The following SLC13A3 variants were observed in gnomAD, a reference collection of about 807,000 sequenced individuals.
The protein encoded by SLC13A3 is solute carrier family 13 member 3, also known as Na(+)/dicarboxylate cotransporter 3.
SLC13A3 carries 40 observed loss-of-function variants against 59.0 expected under a neutral mutation model. That is an observed-to-expected ratio of 0.68 (90% confidence interval 0.53 to 0.88). The LOEUF (loss-of-function observed/expected upper bound fraction) is 0.88, where lower values mean the gene tolerates loss of function less well. SLC13A3 is among the 40% of genes least tolerant of loss of function. The pLI is 0.00. For missense variants in SLC13A3, 699 were observed against 783.2 expected, an observed-to-expected ratio of 0.89 and a Z score of 1.28; for synonymous variants, 317 against 330.3, an observed-to-expected ratio of 0.96 and a Z score of 0.44.
At chr20:46,587,841 C>G (rs1038782560) in intron 8 of SLC13A3, among the ~76,000 whole-genome samples, 1 of 152,232 alleles carries the variant, frequency 6.6e-6, no homozygotes, top group African/African-American at 2.4e-5. Flanking sequence ...TAGTCTGACT[C>G]CAAATCCAGA....
chr20:46,565,728 T>C (rs1352975805), intron 11 of SLC13A3, among the ~76,000 whole-genome samples: 1 of 152,140 alleles, frequency 6.6e-6, no homozygotes, highest in Non-Finnish European at 1.5e-5. Context: ...TGGATTGTCA[T>C]GATTTAGGGA....
intron 1 of SLC13A3, among the ~76,000 whole-genome samples, chr20:46,680,041 A>T (rs557360857): frequency 1.7e-4 from 26 of 152,282 alleles, no homozygotes; most frequent in African/African-American, 6.3e-4. Flanking sequence ...TAAAATGGGT[A>T]TGGCAGATGG....
chr20:46,589,529 C>T (rs1600526025), intron 6 of SLC13A3, among the ~76,000 whole-genome samples: 1 of 152,262 alleles, frequency 6.6e-6, no homozygotes, highest in Non-Finnish European at 1.5e-5. Flanking sequence ...ACACAGGAAT[C>T]AATGGAACAA....
chr20:46,616,035 C>G (rs1156385769), intron 1 of SLC13A3, among the ~76,000 whole-genome samples: 1 of 152,096 alleles, frequency 6.6e-6, no homozygotes, highest in Non-Finnish European at 1.5e-5. Context: ...CCCAAGAACC[C>G]AGGTTATTGG....
intron 1 of SLC13A3, among the ~76,000 whole-genome samples, chr20:46,618,170 G>A (rs1260637816): frequency 6.6e-6 from 1 of 150,376 alleles, no homozygotes. Context: ...GGCATTCAAG[G>A]TTTGGTGCCC....
chr20:46,583,767 C>T (rs4588248), intron 8 of SLC13A3, 98 bp from the exon 9 acceptor site: 1 of 1,535,160 alleles, frequency 6.5e-7, no homozygotes, highest in Non-Finnish European at 8.8e-7. Flanking sequence ...GGAATTAGGC[C>T]TGCTGTGAAG....
chr20:46,589,691 C>A (rs1261826763), intron 6 of SLC13A3, among the ~76,000 whole-genome samples: 1 of 152,122 alleles, frequency 6.6e-6, no homozygotes, highest in Admixed American at 6.5e-5. Flanking sequence ...CAGAAATAAA[C>A]CCATCCATCT....
intron 4 of SLC13A3, among the ~76,000 whole-genome samples, chr20:46,597,574 T>C (rs1427755336): frequency 2.6e-5 from 4 of 152,128 alleles, no homozygotes; most frequent in Non-Finnish European, 5.9e-5. Context: ...GTAACTGAGA[T>C]TATAGGTGCC....
intron 1 of SLC13A3, among the ~76,000 whole-genome samples, chr20:46,631,973 T>G (rs1485029358): frequency 6.6e-6 from 1 of 152,152 alleles, no homozygotes; most frequent in Non-Finnish European, 1.5e-5. Context: ...GGACACTGCC[T>G]CCACCACCAC....
chr20:46,674,601 G>GCGCA (rs2063112420), upstream of SLC13A3, among the ~76,000 whole-genome samples: 1 of 100,828 alleles, frequency 9.9e-6, no homozygotes, highest in African/African-American at 3.5e-5. Context: ...GCGCGCGCGC[G>GCGCA]CGCGTGTGTG....
chr20:46,603,437 C>T lies in SLC13A3; in HGVS notation c.542-3400G>A, dbSNP rs1002960240. Among the ~76,000 whole-genome samples the T allele has an allele frequency of 4.8e-4, 73 of 151,860 alleles. 1 individual carries two copies. Among genetic ancestry groups the T allele is most frequent in the Non-Finnish European group, 5.9e-5 (4 of 67,962 alleles). On this transcript the variant is annotated intron_variant, in intron 3 of 12. Coordinates refer to ENST00000279027, the MANE Select transcript of SLC13A3 (RefSeq NM_022829.6). The stretch of plus-strand genomic sequence containing the variant: ...TTGCCCAGGCTGGAGGGCAGTGGCA[C>T]GATCACAGCTCACAACAGCCTCGAC...
chr20:46,568,885 G>A (rs1280195712), intron 10 of SLC13A3, among the ~76,000 whole-genome samples: 8 of 152,258 alleles, frequency 5.3e-5, no homozygotes, highest in East Asian at 1.9e-4. Context: ...CAGCTCCAGC[G>A]CTGGAGGGAG....
At chr20:46,656,446 T>G (rs2062993729), upstream of SLC13A3, among the ~76,000 whole-genome samples, 1 of 77,116 alleles carries the variant, frequency 1.3e-5, no homozygotes, top group Non-Finnish European at 2.4e-5. Flanking sequence ...CAGTATATAT[T>G]ATACTGTATA....
chr20:46,600,308 AAAGAGGGAAGG>A (rs2062362610), intron 3 of SLC13A3, among the ~76,000 whole-genome samples: 1 of 95,672 alleles, frequency 1.0e-5, no homozygotes, highest in African/African-American at 5.4e-5. Flanking sequence ...AGAAAGAAAG[AAAGAGGGAAGG>A]AAGGAAAGGA....
intron 1 of SLC13A3, among the ~76,000 whole-genome samples, chr20:46,683,634 C>T (rs2063164291): frequency 6.6e-6 from 1 of 152,190 alleles, no homozygotes; most frequent in African/African-American, 2.4e-5. Flanking sequence ...TTTTCCAGGA[C>T]CCCTCTTGTA....
At chr20:46,643,493 G>C (rs1303069339) in intron 1 of SLC13A3, among the ~76,000 whole-genome samples, 2 of 152,118 alleles carry the variant, frequency 1.3e-5, no homozygotes, top group African/African-American at 4.8e-5. Flanking sequence ...AGCAAGCTTG[G>C]GATATTTAAG....
chr20:46,664,809 T>C (rs2063052643), intron 1 of SLC13A3, among the ~76,000 whole-genome samples: 1 of 152,070 alleles, frequency 6.6e-6, no homozygotes, highest in Non-Finnish European at 1.5e-5. Context: ...AACTTCTGGG[T>C]ATACAAAGGA....
In SLC13A3 at chr20:46,622,613, GGTGTGTGCGTGTGTGTGTGTGT is replaced by G. The variant is rs1457900102; in HGVS notation, c.112-8910_112-8889del. On this transcript the variant is annotated intron_variant, in intron 1 of 12. Coordinates refer to ENST00000279027, the MANE Select transcript of SLC13A3 (RefSeq NM_022829.6). ...TCTAACTCAACAGGAATTGGTGTGT[GGTGTGTGCGTGTGTGTGTGTGT>G]GTGTGTGTGTGTGTGTGTGTGTGTG... is the stretch of plus-strand genomic sequence containing the variant. Among the ~76,000 whole-genome samples the G allele has an allele frequency of 4.5e-5, 5 of 112,156 alleles. No homozygotes were observed. In the South Asian group the frequency reaches 1.0e-3, roughly 22 times the overall value. The allele number at this position is 112,156 out of a possible 152,430, so 73.6% of individuals were successfully genotyped here.
chr20:46,560,233 A>T, intron 12 of SLC13A3, 35 bp from the exon 13 acceptor site: 1 of 1,585,916 alleles, frequency 6.3e-7, no homozygotes, highest in Non-Finnish European at 8.7e-7. Context: ...AGGGGTCAGC[A>T]CCTGACCCAC....
Sources: gnomAD v4.1 joint callset for allele counts (sites outside exome capture counted in the v4.1 genomes callset) on GRCh38, gnomAD v4.1.1 for gene constraint, MANE v1.5 for transcripts, NCBI Gene and HGNC (gene_info 2026-07-23, HGNC 2026-07-21) for gene names.